The following MSRA variants were observed in gnomAD, a reference collection of about 807,000 sequenced individuals.
MSRA encodes the protein mitochondrial peptide methionine sulfoxide reductase.
MSRA carries 54 observed loss-of-function variants against 31.3 expected under a neutral mutation model. That is an observed-to-expected ratio of 1.73 (90% CI 1.39 to 2.17). MSRA has a LOEUF of 2.17. Ranked by LOEUF, MSRA falls within the 30% of genes most tolerant of loss-of-function variation. The pLI is 0.00. For missense variants in MSRA, 507 were observed against 300.9 expected, an observed-to-expected ratio of 1.69 and a Z score of -5.07; for synonymous variants, 169 against 116.5, an observed-to-expected ratio of 1.45 and a Z score of -2.90.
At chr8:10,274,336 G>T (rs1033830510) in intron 3 of MSRA, among the ~76,000 whole-genome samples, 1 of 152,168 alleles carries the variant, frequency 6.6e-6, no homozygotes, top group Non-Finnish European at 1.5e-5. Context: ...TCATTAGTAT[G>T]TGTTTCTCAG....
chr8:10,134,911 G>A (rs1802160004), intron 1 of MSRA, among the ~76,000 whole-genome samples: 1 of 152,254 alleles, frequency 6.6e-6, no homozygotes, highest in South Asian at 2.1e-4. Flanking sequence ...TTGCCCCGGA[G>A]TGTTTGTTGT....
chr8:10,315,416 C>A (rs1341305909), intron 4 of MSRA, among the ~76,000 whole-genome samples: 1 of 152,208 alleles, frequency 6.6e-6, no homozygotes, highest in Non-Finnish European at 1.5e-5. Flanking sequence ...TACTCTCTTT[C>A]TTGACATTAG....
chr8:10,344,088 G>A (rs766795598), intron 5 of MSRA, among the ~76,000 whole-genome samples: 3 of 152,186 alleles, frequency 2.0e-5, no homozygotes, highest in Non-Finnish European at 2.9e-5. Flanking sequence ...CCACAGGACT[G>A]GAGCTTCTCC....
At chr8:10,212,103 C>A (rs777074956) in intron 2 of MSRA, among the ~76,000 whole-genome samples, 2 of 151,894 alleles carry the variant, frequency 1.3e-5, no homozygotes, top group Non-Finnish European at 2.9e-5. Context: ...AGGAGAATTA[C>A]TTGAACCCAG....
At chr8:10,260,068 G>A (rs186226991) in intron 3 of MSRA, among the ~76,000 whole-genome samples, 5 of 152,336 alleles carry the variant, frequency 3.3e-5, no homozygotes, top group African/African-American at 1.2e-4. Flanking sequence ...AAGTCATTTC[G>A]GTTGGACGGG....
intron 1 of MSRA, among the ~76,000 whole-genome samples, chr8:10,175,766 G>A (rs1195346267): frequency 1.3e-5 from 2 of 152,126 alleles, no homozygotes; most frequent in African/African-American, 4.8e-5. Context: ...AGGACCAAAG[G>A]GTCTTCAAAA....
At chr8:10,071,732 C>G (rs1347376408) in intron 1 of MSRA, among the ~76,000 whole-genome samples, 1 of 152,132 alleles carries the variant, frequency 6.6e-6, no homozygotes, top group Non-Finnish European at 1.5e-5. Context: ...TTGTGTCAAA[C>G]AGAACTCTGT....
intron 5 of MSRA, among the ~76,000 whole-genome samples, chr8:10,330,857 C>G (rs933279975): frequency 1.3e-5 from 2 of 152,252 alleles, no homozygotes; most frequent in South Asian, 4.1e-4. Flanking sequence ...TGTTATGGAC[C>G]GAATATCTGT....
At chr8:10,361,091 C>T (rs1362527941) in intron 5 of MSRA, among the ~76,000 whole-genome samples, 1 of 152,228 alleles carries the variant, frequency 6.6e-6, no homozygotes, top group Non-Finnish European at 1.5e-5. Context: ...CTCTCAGGCT[C>T]TGCAGCTCCA....
At chr8:10,311,566 T>C (rs1801433746) in intron 4 of MSRA, among the ~76,000 whole-genome samples, 1 of 152,168 alleles carries the variant, frequency 6.6e-6, no homozygotes, top group Non-Finnish European at 1.5e-5. Flanking sequence ...TGTAGCTTTT[T>C]TTTTCTCTTA....
chr8:10,193,362 C>T (rs767537948), intron 1 of MSRA, among the ~76,000 whole-genome samples: 8 of 152,160 alleles, frequency 5.3e-5, no homozygotes, highest in South Asian at 2.1e-4. Flanking sequence ...AGTGTGAGGC[C>T]GCCTCCTCTG....
intron 1 of MSRA, among the ~76,000 whole-genome samples, chr8:10,058,791 C>A (rs950716778): frequency 6.6e-6 from 1 of 152,162 alleles, no homozygotes; most frequent in Non-Finnish European, 1.5e-5. Flanking sequence ...AGTTTTAATC[C>A]CACCTTTAAA....
chr8:10,170,858 A>T (rs1415882073), intron 1 of MSRA, among the ~76,000 whole-genome samples: 1 of 152,240 alleles, frequency 6.6e-6, no homozygotes, highest in Admixed American at 6.5e-5. Flanking sequence ...GACATAGATG[A>T]TCATGTCTTC....
intron 1 of MSRA, among the ~76,000 whole-genome samples, chr8:10,178,822 A>G (rs982754238): frequency 6.6e-6 from 1 of 152,200 alleles, no homozygotes; most frequent in African/African-American, 2.4e-5. Flanking sequence ...AGGCAGGGAA[A>G]TAAAATAACT....
chr8:10,303,993 T>C (rs1400036454), intron 4 of MSRA, among the ~76,000 whole-genome samples: 3 of 152,230 alleles, frequency 2.0e-5, no homozygotes, highest in Non-Finnish European at 4.4e-5. Flanking sequence ...TGGAGTGCAG[T>C]GGCGTGATCG....
intron 1 of MSRA, among the ~76,000 whole-genome samples, chr8:10,078,432 C>T (rs1798106852): frequency 6.6e-6 from 1 of 152,210 alleles, no homozygotes; most frequent in African/African-American, 2.4e-5. Flanking sequence ...CTTGGCGCAG[C>T]CCCGTTCACA....
intron 1 of MSRA, among the ~76,000 whole-genome samples, chr8:10,168,123 C>T (rs578207515): frequency 6.6e-5 from 10 of 152,254 alleles, no homozygotes; most frequent in African/African-American, 2.2e-4. Context: ...CCTTAGTTTT[C>T]CTATCTGTAA....
intron 4 of MSRA, among the ~76,000 whole-genome samples, chr8:10,315,759 C>T (rs1801675252): frequency 6.6e-6 from 1 of 152,160 alleles, no homozygotes; most frequent in South Asian, 2.1e-4. Flanking sequence ...AAAAATTTTA[C>T]TATTTTGAAC....
intron 5 of MSRA, 92 bp from the exon 6 acceptor site, chr8:10,428,056 T>A: frequency 7.1e-7 from 1 of 1,407,928 alleles, no homozygotes; most frequent in Non-Finnish European, 9.5e-7. Flanking sequence ...GCCACGCGTC[T>A]GCTCACTGCA....
Sources: gnomAD v4.1 joint callset for allele counts (sites outside exome capture counted in the v4.1 genomes callset) on GRCh38, gnomAD v4.1.1 for gene constraint, MANE v1.5 for transcripts, NCBI Gene and HGNC (gene_info 2026-07-23, HGNC 2026-07-21) for gene names.